Variants in SEMA3E observed in about 807,000 individuals in gnomAD.
SEMA3E encodes semaphorin 3E.
SEMA3E carries 49 observed loss-of-function variants against 93.6 expected under a neutral mutation model. The ratio of observed to expected loss-of-function variants is 0.52; its 90% CI spans 0.42 to 0.66. The LOEUF is 0.66. SEMA3E is among the 30% of genes least tolerant of loss of function. The pLI, the probability that SEMA3E is intolerant of heterozygous loss-of-function variation, is 0.00. For synonymous variants in SEMA3E, 363 were observed against 330.7 expected (o/e 1.10, Z -1.06); for missense variants, 906 against 964.8 (o/e 0.94, Z 0.81).
At chr7:83,517,721 T>C (rs1353573987) in intron 1 of SEMA3E, among the ~76,000 whole-genome samples, 1 of 152,024 alleles carries the variant, frequency 6.6e-6, no homozygotes. Flanking sequence ...GAAAAGACAA[T>C]CAATGTGTAT....
At chr7:83,380,358 G>A (rs1787753004) in intron 16 of SEMA3E, among the ~76,000 whole-genome samples, 1 of 151,782 alleles carries the variant, frequency 6.6e-6, no homozygotes, top group African/African-American at 2.4e-5. Flanking sequence ...TCCTAAGTCT[G>A]TGTGCCAGTT....
At chr7:83,517,741 C>T (rs1790961469) in intron 1 of SEMA3E, among the ~76,000 whole-genome samples, 1 of 152,084 alleles carries the variant, frequency 6.6e-6, no homozygotes, top group South Asian at 2.1e-4. Context: ...TGGAAAAGTA[C>T]CTCCAGAGAT....
rs1230407134 is a variant in SEMA3E, at chr7:83,454,269, A to C, written c.456+12213T>G. On this transcript the variant is annotated intron_variant, in intron 4 of 16. Transcript: ENST00000643230. ...CAAGACTCCGACTCAAAAAAAAAAA[A>C]AAAATATATATATATATATATATAT... Among the ~76,000 whole-genome samples, 56 of 102,682 alleles carry C rather than the reference A, an allele frequency of 5.5e-4. 1 individual carries two copies. Among genetic ancestry groups the C allele is most frequent in the Middle Eastern group, 5.4e-3 (1 of 186 alleles). The allele number at this position is 102,682 out of a possible 152,430, so 67.4% of individuals were successfully genotyped here.
At chr7:83,525,289 G>A (rs1304146915) in intron 1 of SEMA3E, among the ~76,000 whole-genome samples, 1 of 151,714 alleles carries the variant, frequency 6.6e-6, no homozygotes, top group Admixed American at 6.6e-5. Context: ...TTTTTCCCTG[G>A]AACCTCACAG....
chr7:83,458,779 A>G (rs1297467596), intron 4 of SEMA3E, among the ~76,000 whole-genome samples: 1 of 150,160 alleles, frequency 6.7e-6, no homozygotes, highest in Non-Finnish European at 1.5e-5. Context: ...GAGGAAAAGA[A>G]GGTTGAATAA....
intron 4 of SEMA3E, among the ~76,000 whole-genome samples, chr7:83,433,707 A>G (rs886253745): frequency 7.2e-5 from 11 of 152,110 alleles, no homozygotes; most frequent in Non-Finnish European, 1.5e-4. Context: ...GATTTACAAA[A>G]TTTCTAGAGG....
chr7:83,427,191 CCTTT>C (rs1039764935), intron 4 of SEMA3E, among the ~76,000 whole-genome samples: 3 of 151,890 alleles, frequency 2.0e-5, no homozygotes, highest in Admixed American at 6.6e-5. Context: ...TTCCTTCCTT[CCTTT>C]CCTTCTTTTT....
chr7:83,414,729 A>T (rs1788507496), intron 5 of SEMA3E, among the ~76,000 whole-genome samples: 1 of 152,132 alleles, frequency 6.6e-6, no homozygotes, highest in Admixed American at 6.6e-5. Flanking sequence ...ATACTCCAAC[A>T]ACAAAGTTAA....
At chr7:83,384,793 C>G (rs770694937) in intron 16 of SEMA3E, among the ~76,000 whole-genome samples, 3 of 151,958 alleles carry the variant, frequency 2.0e-5, no homozygotes, top group Non-Finnish European at 4.4e-5. Context: ...GTCAAGAACC[C>G]TTGTGTCAAT....
chr7:83,454,310 A>G (rs1584258992), intron 4 of SEMA3E, among the ~76,000 whole-genome samples: 1 of 133,350 alleles, frequency 7.5e-6, no homozygotes, highest in South Asian at 2.6e-4. Context: ...GTGTGTATAT[A>G]TATTTGATAA....
chr7:83,445,892 A>C (rs1202544712), intron 4 of SEMA3E, among the ~76,000 whole-genome samples: 1 of 152,172 alleles, frequency 6.6e-6, no homozygotes, highest in Non-Finnish European at 1.5e-5. Context: ...TGCCTTTTTA[A>C]ATAGGAGATA....
intron 1 of SEMA3E, among the ~76,000 whole-genome samples, chr7:83,620,949 T>C (rs995842222): frequency 1.3e-5 from 2 of 152,002 alleles, no homozygotes; most frequent in Admixed American, 6.6e-5. Flanking sequence ...CAAGAATGCC[T>C]TCTCTCACCA....
At chr7:83,641,468 G>T in intron 1 of SEMA3E, 2 of 726,702 alleles carry the variant, frequency 2.8e-6, no homozygotes, top group Non-Finnish European at 3.4e-6. Context: ...AGTAATATTA[G>T]TTCTATTGTG....
At chr7:83,569,830 C>A (rs750721122) in intron 1 of SEMA3E, among the ~76,000 whole-genome samples, 9 of 152,122 alleles carry the variant, frequency 5.9e-5, no homozygotes, top group Non-Finnish European at 1.2e-4. Context: ...AGAAAACTAA[C>A]AAAGACATTC....
At chr7:83,410,483 T>C (rs180890865) in intron 5 of SEMA3E, among the ~76,000 whole-genome samples, 1 of 152,190 alleles carries the variant, frequency 6.6e-6, no homozygotes, top group East Asian at 1.9e-4. Context: ...AGAGAAAAGT[T>C]ATGTTAGAAC....
chr7:83,645,990 G>GA (rs1258277428), intron 1 of SEMA3E, among the ~76,000 whole-genome samples: 1 of 151,904 alleles, frequency 6.6e-6, no homozygotes, highest in Non-Finnish European at 1.5e-5. Flanking sequence ...AAGAATATGA[G>GA]AAAAATGCCT....
At chr7:83,518,263 A>T (rs1164941233) in intron 1 of SEMA3E, among the ~76,000 whole-genome samples, 1 of 152,050 alleles carries the variant, frequency 6.6e-6, no homozygotes, top group African/African-American at 2.4e-5. Flanking sequence ...AACTCGACTG[A>T]GGTTGCAGAA....
At chr7:83,407,356 T>C (rs534936484) in intron 6 of SEMA3E, 117 bp from the exon 7 acceptor site, 192 of 913,504 alleles carry the variant, frequency 2.1e-4, no homozygotes, top group Middle Eastern at 2.0e-3. Context: ...CACCATTTCA[T>C]AAAGAAATAT....
rs11344671 is a variant in SEMA3E at position 83,527,778 on chromosome 7, ATT to A, written c.116-37506_116-37505del. ...TCAATATTTACGTAGAATTTTTGTG[ATT>A]TTTTTTTTGTTTGTTGTCATTAGTG... On this transcript the variant is annotated intron_variant, in intron 1 of 16. Transcript: ENST00000643230. Among the ~76,000 whole-genome samples the A allele has an allele frequency of 7.9e-3, 1,112 of 140,028 alleles. 15 individuals are homozygous for A. Among genetic ancestry groups the A allele is most frequent in the African/African-American group, 0.028 (1,044 of 37,628 alleles). 91.9% of individuals were successfully genotyped at this position (140,028 alleles called of 152,430 possible).
Sources: gnomAD v4.1 joint callset for allele counts (sites outside exome capture counted in the v4.1 genomes callset) on GRCh38, gnomAD v4.1.1 for gene constraint, MANE v1.5 for transcripts, NCBI Gene and HGNC (gene_info 2026-07-23, HGNC 2026-07-21) for gene names.